The following COL12A1 variants were observed in gnomAD, a reference collection of about 807,000 sequenced individuals.
The protein encoded by COL12A1 is collagen type XII alpha 1 chain, also known as collagen alpha-1(XII) chain.
A neutral mutation model predicts 349.7 loss-of-function variants in COL12A1; 114 were observed. The observed-to-expected ratio is 0.33, with a 90% CI of 0.28 to 0.38. The LOEUF (loss-of-function observed/expected upper bound fraction) is 0.38, where lower values mean the gene tolerates loss of function less well. Ranked by LOEUF, COL12A1 falls within the 10% of genes least tolerant of loss-of-function variation. The probability of loss-of-function intolerance (pLI) is 1.00; values close to 1 mark genes in which losing one functional copy is unlikely to be tolerated. For synonymous variants in COL12A1, 1,369 were observed against 1,329.0 expected (o/e 1.03, Z -0.66); for missense variants, 3,284 against 3,756.9 (o/e 0.87, Z 3.29).
At chr6:75,137,356 T>A in intron 31 of COL12A1, 81 bp downstream of exon 31, 2 of 1,273,926 alleles carry the variant, frequency 1.6e-6, no homozygotes, top group Non-Finnish European at 2.1e-6. Flanking sequence ...TAAGTATGAC[T>A]AACTAAGCAC....
rs768221190 is a variant in COL12A1 at position 75,143,433 on chromosome 6, C to A, written c.4691-45G>T. The A allele has an allele frequency of 2.5e-6, 4 of 1,586,962 alleles. No homozygotes were observed. The South Asian group carries it at 4.7e-5, about 19-fold the overall frequency. ...TAAATCCAGATGTGCTTCTCAACCACAAAGCTCCAAAGCATCCATGCAAGC... is the reference window on the plus strand; with the variant it reads ...TAAATCCAGATGTGCTTCTCAACCAAAAAGCTCCAAAGCATCCATGCAAGC... On this transcript the variant is annotated intron_variant, in intron 25 of 65. Coordinates refer to ENST00000322507, the MANE Select transcript of COL12A1 (RefSeq NM_004370.6).
In COL12A1 at chr6:75,156,428, G is replaced by T. The variant is rs760621245; in HGVS notation, c.3079C>A (p.Arg1027Ser). 6.2e-7 allele frequency: 1 copy of T among 1,613,898 alleles called. No homozygotes were observed. The highest frequency in any genetic ancestry group is 1.3e-5 in the African/African-American group (1 of 75,014). Reference sequence around the variant, plus strand: ...CTCCCATGAGGGCGATAGACAACACGGTAGTTGACGACTTTCCCTGGTGCT... The same window carrying T: ...CTCCCATGAGGGCGATAGACAACACTGTAGTTGACGACTTTCCCTGGTGCT... ...KPAPGKVVNY[R>S]VVYRPHGRGK... The change falls in exon 15 of 66, where the codon CGT becomes AGT. Residue 1027 changes from arginine to serine, a missense_variant. Physicochemically the swap from Arg to Ser is moderately radical, Grantham distance 110. Transcript: ENST00000322507.
chr6:75,193,470 T>C (rs1417821423), intron 3 of COL12A1, among the ~76,000 whole-genome samples: 1 of 152,212 alleles, frequency 6.6e-6, no homozygotes, highest in African/African-American at 2.4e-5. Flanking sequence ...AACACAGTTC[T>C]AGTAATAAGT....
rs573530946 is a variant in COL12A1 at position 75,087,658 on chromosome 6, T to C, written c.9100A>G (p.Ile3034Val). ...GPPGRPGNSG[I>V]RGPPGPPGYC... Reference sequence around the variant, plus strand: ...CCAGGAGGACCTGGGGGTCCTCGGATACCTGAGTTTCCAGGACGGCCAGGG... The same window carrying C: ...CCAGGAGGACCTGGGGGTCCTCGGACACCTGAGTTTCCAGGACGGCCAGGG... Residue 3034 changes from isoleucine (I) to valine (V), a missense_variant, in exon 65 of 66, where the codon ATC (isoleucine) becomes GTC (valine). This residue lies in a region of COL12A1 where 683 missense variants were observed against 932.1 expected (regional missense o/e 0.73). Transcript: ENST00000322507. 4 of 1,610,664 alleles carry C rather than the reference T, an allele frequency of 2.5e-6. No individual in the cohort carries two copies. Among genetic ancestry groups the C allele is most frequent in the South Asian group, 1.1e-5 (1 of 90,470 alleles).
Position 75,146,093 on chromosome 6 carries a change from A to G in COL12A1, c.4560+9T>C. On this transcript the variant is annotated intron_variant, in intron 24 of 65. Coordinates refer to ENST00000322507, the MANE Select transcript of COL12A1 (RefSeq NM_004370.6). The stretch of plus-strand genomic sequence containing the variant: ...AAGACCCAATGTTAAAGAAACAAAC[A>G]TCTTTCACCTCTTTGGGTCTTGTTG... 1 of 1,582,370 alleles carries G rather than the reference A, an allele frequency of 6.3e-7. No individual in the cohort carries two copies. Among genetic ancestry groups the G allele is most frequent in the African/African-American group, 1.4e-5 (1 of 73,714 alleles).
Position 75,085,113 on chromosome 6 carries a change from A to G in COL12A1, c.*1434T>C. Reference sequence around the variant, plus strand: ...GGAAGAAACACCTCAGAAAAGACGTACACTGCTCTATCTGACCTGTAAATG... The same window carrying G: ...GGAAGAAACACCTCAGAAAAGACGTGCACTGCTCTATCTGACCTGTAAATG... On this transcript the variant is annotated 3_prime_UTR_variant, in exon 66 of 66. Coordinates refer to ENST00000322507, the MANE Select transcript of COL12A1 (RefSeq NM_004370.6). The G allele has an allele frequency of 2.5e-6, 1 of 401,366 alleles. No homozygotes were observed. The highest frequency in any genetic ancestry group is 1.8e-5 in the South Asian group (1 of 56,624). 24.9% of individuals were successfully genotyped at this position (401,366 alleles called of 1,614,324 possible).
intron 37 of COL12A1, among the ~76,000 whole-genome samples, 157 bp downstream of exon 37, chr6:75,129,934 G>T (rs1288968763): frequency 6.6e-6 from 1 of 152,136 alleles, no homozygotes; most frequent in African/African-American, 2.4e-5. Context: ...GACTAAGTAA[G>T]CACATTTGGG....
rs560103397 is a variant in COL12A1, at chr6:75,183,483, C to G, written c.1458G>C (p.Arg486=). The G allele has an allele frequency of 6.2e-7, 1 of 1,614,062 alleles. No individual in the cohort carries two copies. Among genetic ancestry groups the G allele is most frequent in the East Asian group, 2.2e-5 (1 of 44,878 alleles). The change falls in exon 10 of 66, where the codon CGG becomes CGC. Residue 486 remains arginine (R), a synonymous_variant. Transcript: ENST00000322507. The part of the protein sequence containing the change: ...RVQISLVQYS[R]DPHTEFTLKK... ...TCAAAGTGAACTCAGTATGAGGATC[C>G]CGGCTGTATTGCACAAGACTAATCT...
chr6:75,191,838 A>G (rs1769946645), intron 4 of COL12A1, 78 bp from the exon 5 acceptor site: 1 of 911,188 alleles, frequency 1.1e-6, no homozygotes, highest in South Asian at 2.7e-5. Flanking sequence ...AATATATTAT[A>G]TTAGTTTTTG....
intron 13 of COL12A1, among the ~76,000 whole-genome samples, chr6:75,174,807 A>G (rs1194417566): frequency 6.6e-6 from 1 of 152,160 alleles, no homozygotes; most frequent in Non-Finnish European, 1.5e-5. Context: ...TGGTCTTATT[A>G]TGCATCCAGC....
At chr6:75,181,387 C>T (rs1769283893) in intron 10 of COL12A1, among the ~76,000 whole-genome samples, 176 bp from the exon 11 acceptor site, 1 of 152,176 alleles carries the variant, frequency 6.6e-6, no homozygotes, top group Non-Finnish European at 1.5e-5. Flanking sequence ...CCCCCCACAA[C>T]TTACAACCCA....
chr6:75,113,783 G>GA lies in COL12A1; in HGVS notation c.7698-40dup, dbSNP rs754170328. 1.2e-5 allele frequency: 16 copies of GA among 1,373,914 alleles called. No individual in the cohort carries two copies. In the African/African-American group the frequency reaches 2.2e-4, roughly 19 times the overall value. The allele number at this position is 1,373,914 out of a possible 1,614,324, so 85.1% of individuals were successfully genotyped here. On this transcript the variant is annotated intron_variant, in intron 49 of 65. Coordinates refer to ENST00000322507, the MANE Select transcript of COL12A1 (RefSeq NM_004370.6). ...CAAAAGAAAGAAAAAGGAGAGGAAA[G>GA]AAAAAAAGAAAGGAAGAAAGAAAGA...
intron 47 of COL12A1, among the ~76,000 whole-genome samples, chr6:75,116,618 A>G (rs1283096567): frequency 6.6e-6 from 1 of 152,132 alleles, no homozygotes; most frequent in Non-Finnish European, 1.5e-5. Context: ...TCCACTCCGA[A>G]CTTCAGCATA....
chr6:75,147,578 T>C lies in COL12A1; in HGVS notation c.4417+97A>G, dbSNP rs537340126. ...CAGTAAATATTTATAGAATGAATGT[T>C]AAATAAAGAAATTATTTGGAAGGTA... is the stretch of plus-strand genomic sequence containing the variant. On this transcript the variant is annotated intron_variant, in intron 23 of 65. Coordinates refer to ENST00000322507, the MANE Select transcript of COL12A1 (RefSeq NM_004370.6). The C allele has an allele frequency of 1.1e-5, 13 of 1,185,200 alleles. 1 individual carries two copies. In the South Asian group the frequency reaches 2.0e-4, roughly 18 times the overall value. The allele number at this position is 1,185,200 out of a possible 1,614,324, so 73.4% of individuals were successfully genotyped here. A position where few individuals can be genotyped will look rare whatever the true frequency, so the allele number is the denominator to read the frequency against.
At position 75,151,771 on chromosome 6, in the gene COL12A1, A is replaced by T. The variant is rs240726; in HGVS notation, c.4000+96T>A. On this transcript the variant is annotated intron_variant, in intron 20 of 65. Coordinates refer to ENST00000322507, the MANE Select transcript of COL12A1 (RefSeq NM_004370.6). ...AATTATGTGATAGAAAAAAATGGGT[A>T]TTTTTTTTCATGCTTCAGATAAAAC... 0.024 allele frequency: 30,246 copies of T among 1,265,178 alleles called. 2,952 individuals carry two copies. In the African/African-American group the frequency reaches 0.27, roughly 11 times the overall value. 78.4% of individuals were successfully genotyped at this position (1,265,178 alleles called of 1,614,324 possible).
At position 75,189,834 on chromosome 6, in the gene COL12A1, C is replaced by G. The variant is rs565833825; in HGVS notation, c.395-19G>C. 1 of 1,604,924 alleles carries G rather than the reference C, an allele frequency of 6.2e-7. No individual in the cohort carries two copies. Among genetic ancestry groups the G allele is most frequent in the African/African-American group, 1.3e-5 (1 of 74,514 alleles). On this transcript the variant is annotated intron_variant, in intron 5 of 65. Transcript: ENST00000322507. ...GAGCATTCTGAAATACATTTGATAT[C>G]TTTTTAAATGATGCTTTATTAAATC...
Position 75,130,916 on chromosome 6 carries a change from G to C in COL12A1, c.6003C>G (p.Ser2001=). The part of the protein sequence containing the change: ...LERLIPDTLY[S]VNLVALYSDG... ...CCGAGTACAGAGCCACAAGGTTCACGGAATAGAGTGTGTCCGGAATCAGCC... is the reference window on the plus strand; with the variant it reads ...CCGAGTACAGAGCCACAAGGTTCACCGAATAGAGTGTGTCCGGAATCAGCC... Residue 2001 remains serine, a synonymous_variant, in exon 36 of 66, where the codon TCC becomes TCG. Coordinates refer to ENST00000322507, the MANE Select transcript of COL12A1 (RefSeq NM_004370.6). The C allele has an allele frequency of 6.2e-7, 1 of 1,614,086 alleles. No individual in the cohort carries two copies. The highest frequency in any genetic ancestry group is 8.5e-7 in the Non-Finnish European group (1 of 1,180,000).
intron 65 of COL12A1, chr6:75,087,040 C>G (rs9293993): frequency 0.037 from 5,673 of 153,026 alleles, 375 homozygotes; most frequent in African/African-American, 0.13. Flanking sequence ...AGACTTCTGC[C>G]CTCTACAATT....
At chr6:75,188,601 T>C in intron 7 of COL12A1, 66 bp from the exon 8 acceptor site, 2 of 1,525,606 alleles carry the variant, frequency 1.3e-6, no homozygotes, top group Non-Finnish European at 8.9e-7. Context: ...GAGAAGTTCT[T>C]CGTTTTCTCC....
Sources: gnomAD v4.1 joint callset for allele counts (sites outside exome capture counted in the v4.1 genomes callset) on GRCh38, gnomAD v4.1.1 for gene constraint, gnomAD v4.1.1 regional missense constraint, MANE v1.5 for transcripts, NCBI Gene and HGNC (gene_info 2026-07-23, HGNC 2026-07-21) for gene names.